The following STT3B variants were observed in gnomAD, a reference collection of about 807,000 sequenced individuals.
The protein encoded by STT3B is STT3 oligosaccharyltransferase complex catalytic subunit B.
STT3B carries 29 observed loss-of-function variants against 96.8 expected under a neutral mutation model. The ratio of observed to expected loss-of-function variants is 0.30; its 90% confidence interval spans 0.22 to 0.41. STT3B has a LOEUF of 0.41. Ranked by LOEUF, STT3B falls within the 10% of genes least tolerant of loss-of-function variation. The pLI is 1.00. For missense variants in STT3B, 640 were observed against 1,022.3 expected (o/e 0.63, Z 5.10); for synonymous variants, 367 against 360.0 (o/e 1.02, Z -0.22).
At chr3:31,632,665 G>C (rs946674917) in intron 14 of STT3B, among the ~76,000 whole-genome samples, 1 of 86,210 alleles carries the variant, frequency 1.2e-5, no homozygotes, top group Non-Finnish European at 2.9e-5. Flanking sequence ...CTATGTTTTG[G>C]TGGGTTTTTT....
chr3:31,571,774 A>G (rs1477814423), intron 1 of STT3B, among the ~76,000 whole-genome samples: 2 of 151,916 alleles, frequency 1.3e-5, no homozygotes, highest in African/African-American at 4.8e-5. Flanking sequence ...TTTGCTTTGG[A>G]TTGAATTGCT....
At chr3:31,559,336 T>A (rs549974408) in intron 1 of STT3B, among the ~76,000 whole-genome samples, 1 of 122,258 alleles carries the variant, frequency 8.2e-6, no homozygotes, top group South Asian at 2.4e-4. Context: ...GTAGGTGTTG[T>A]TTATTGCTAT....
At chr3:31,544,482 T>C (rs138725992) in intron 1 of STT3B, among the ~76,000 whole-genome samples, 66 of 152,372 alleles carry the variant, frequency 4.3e-4, no homozygotes, top group Middle Eastern at 6.8e-3. Flanking sequence ...GTCAGCTCTT[T>C]AGTTATAGAA....
At chr3:31,634,909 A>G (rs1421454384) in intron 15 of STT3B, among the ~76,000 whole-genome samples, 1 of 152,204 alleles carries the variant, frequency 6.6e-6, no homozygotes, top group African/African-American at 2.4e-5. Context: ...CCTTAATAAC[A>G]TCAGTTTAAC....
intron 1 of STT3B, among the ~76,000 whole-genome samples, chr3:31,556,490 G>A (rs1697714757): frequency 6.6e-6 from 1 of 152,146 alleles, no homozygotes; most frequent in South Asian, 2.1e-4. Context: ...TCTTTTCCAA[G>A]TGGCCATATA....
At chr3:31,561,116 A>G (rs1180145094) in intron 1 of STT3B, among the ~76,000 whole-genome samples, 1 of 149,886 alleles carries the variant, frequency 6.7e-6, no homozygotes, top group African/African-American at 2.5e-5. Context: ...TATGATATCT[A>G]CCTCTTGAGT....
intron 6 of STT3B, among the ~76,000 whole-genome samples, chr3:31,616,091 A>T (rs2125472340): frequency 6.6e-6 from 1 of 152,078 alleles, no homozygotes; most frequent in African/African-American, 2.4e-5. Context: ...TGAAAATTTT[A>T]AAAAGGCAGG....
intron 15 of STT3B, 74 bp downstream of exon 15, chr3:31,633,221 T>A: frequency 1.5e-6 from 2 of 1,333,480 alleles, no homozygotes; most frequent in Non-Finnish European, 2.0e-6. Context: ...TTCTGGAAAT[T>A]GCAATAAATT....
intron 3 of STT3B, among the ~76,000 whole-genome samples, chr3:31,586,434 T>C (rs775922383): frequency 3.9e-5 from 6 of 152,130 alleles, no homozygotes; most frequent in Non-Finnish European, 7.4e-5. Flanking sequence ...TCAATAGATC[T>C]TGCTCTTGGT....
chr3:31,569,368 A>C (rs1437040702), intron 1 of STT3B, among the ~76,000 whole-genome samples: 1 of 152,074 alleles, frequency 6.6e-6, no homozygotes, highest in African/African-American at 2.4e-5. Context: ...TTTTTCCATA[A>C]ATTGAATTCC....
intron 1 of STT3B, among the ~76,000 whole-genome samples, chr3:31,542,144 A>G (rs1357269071): frequency 2.6e-5 from 4 of 152,222 alleles, no homozygotes; most frequent in African/African-American, 4.8e-5. Context: ...GGGAGAGAAG[A>G]GAGAGACATC....
chr3:31,609,833 G>A (rs926104181), intron 5 of STT3B, among the ~76,000 whole-genome samples: 1 of 152,010 alleles, frequency 6.6e-6, no homozygotes, highest in Non-Finnish European at 1.5e-5. Flanking sequence ...AAAGTTCTGG[G>A]ATTACAGGCG....
At chr3:31,562,413 A>T (rs1697902105) in intron 1 of STT3B, among the ~76,000 whole-genome samples, 1 of 152,082 alleles carries the variant, frequency 6.6e-6, no homozygotes, top group South Asian at 2.1e-4. Flanking sequence ...TGGTGGACTT[A>T]GTGAGGTGAT....
intron 14 of STT3B, among the ~76,000 whole-genome samples, chr3:31,630,917 C>T (rs1699642519): frequency 6.6e-6 from 1 of 152,046 alleles, no homozygotes; most frequent in Non-Finnish European, 1.5e-5. Context: ...CTGCCTCAGC[C>T]TCCCGAGTAG....
At chr3:31,572,138 A>G (rs924095901) in intron 1 of STT3B, among the ~76,000 whole-genome samples, 1 of 140,688 alleles carries the variant, frequency 7.1e-6, no homozygotes, top group Middle Eastern at 3.3e-3. Context: ...GAAGCACCTG[A>G]TCTAAATTTA....
At chr3:31,611,686 G>T (rs139834658) in intron 5 of STT3B, among the ~76,000 whole-genome samples, 11 of 151,996 alleles carry the variant, frequency 7.2e-5, no homozygotes, top group African/African-American at 2.7e-4. Flanking sequence ...TAGTAGAGAC[G>T]GGGTTTCTCC....
intron 1 of STT3B, among the ~76,000 whole-genome samples, chr3:31,572,550 A>G (rs754762826): frequency 6.6e-6 from 1 of 152,122 alleles, no homozygotes; most frequent in Non-Finnish European, 1.5e-5. Context: ...GTAAGTTTGA[A>G]CTTACATTTA....
At chr3:31,626,983 C>A (rs888583078) in intron 13 of STT3B, among the ~76,000 whole-genome samples, 39 of 152,166 alleles carry the variant, frequency 2.6e-4, no homozygotes, top group African/African-American at 9.4e-4. Flanking sequence ...CTTGACTCAC[C>A]TGACACGTGT....
chr3:31,633,629 A>G (rs539737281), intron 15 of STT3B, among the ~76,000 whole-genome samples: 2 of 152,206 alleles, frequency 1.3e-5, no homozygotes, highest in Admixed American at 1.3e-4. Context: ...TTTTAATGTA[A>G]TTGTGACAAA....
Sources: gnomAD v4.1 joint callset for allele counts (sites outside exome capture counted in the v4.1 genomes callset) on GRCh38, gnomAD v4.1.1 for gene constraint, MANE v1.5 for transcripts, NCBI Gene and HGNC (gene_info 2026-07-23, HGNC 2026-07-21) for gene names.